NTNG1: variants seen among roughly 807,000 people sequenced by gnomAD.
NTNG1 encodes the protein netrin-G1.
A neutral mutation model predicts 54.0 loss-of-function variants in NTNG1; 16 were observed. The ratio of observed to expected loss-of-function variants is 0.30; its 90% CI spans 0.20 to 0.45. NTNG1 has a LOEUF of 0.45. Ranked by LOEUF, NTNG1 falls within the 20% of genes least tolerant of loss-of-function variation. The pLI, the probability that NTNG1 is intolerant of heterozygous loss-of-function variation, is 1.00. For synonymous variants in NTNG1, 255 were observed against 263.1 expected, an observed-to-expected ratio of 0.97 and a Z score of 0.30; for missense variants, 530 against 678.7, an observed-to-expected ratio of 0.78 and a Z score of 2.43.
At chr1:107,302,739 CA>C (rs1039132702) in intron 2 of NTNG1, among the ~76,000 whole-genome samples, 1 of 151,986 alleles carries the variant, frequency 6.6e-6, no homozygotes, top group Non-Finnish European at 1.5e-5. Context: ...ATCAACATAC[CA>C]GAATGAACAG....
chr1:107,294,407 G>A (rs1665813603), intron 2 of NTNG1, among the ~76,000 whole-genome samples: 1 of 152,154 alleles, frequency 6.6e-6, no homozygotes. Context: ...CCTGCAGGCT[G>A]CATGCCTGTT....
chr1:107,187,170 AT>A (rs1427341605), intron 2 of NTNG1, among the ~76,000 whole-genome samples: 4 of 151,924 alleles, frequency 2.6e-5, no homozygotes, highest in Non-Finnish European at 5.9e-5. Context: ...TACTCTCTGT[AT>A]TTTTTTAAAA....
At chr1:107,318,555 T>C (rs1433596158) in intron 2 of NTNG1, among the ~76,000 whole-genome samples, 1 of 151,854 alleles carries the variant, frequency 6.6e-6, no homozygotes, top group Non-Finnish European at 1.5e-5. Context: ...ACAAAGAAAT[T>C]TGTGCCGGTT....
In NTNG1 at chr1:107,394,096, G is replaced by A. The variant is rs150812992; in HGVS notation, c.888-1058G>A. Among the ~76,000 whole-genome samples the A allele has an allele frequency of 6.5e-3, 980 of 151,694 alleles. 9 individuals carry two copies. Among genetic ancestry groups the A allele is most frequent in the African/African-American group, 0.023 (937 of 41,390 alleles). ...TCTGGTTCTGATTCAGACCTATCTTGGTTCTCTACCCCTGCCCAGGCTGGA... is the reference window on the plus strand; with the variant it reads ...TCTGGTTCTGATTCAGACCTATCTTAGTTCTCTACCCCTGCCCAGGCTGGA... On this transcript the variant is annotated intron_variant, in intron 3 of 7. Transcript: ENST00000370068.
chr1:107,244,524 A>T (rs1159309355), intron 2 of NTNG1, among the ~76,000 whole-genome samples: 2 of 152,186 alleles, frequency 1.3e-5, no homozygotes, highest in African/African-American at 4.8e-5. Flanking sequence ...ATTATGTGAG[A>T]TCATGTTCAA....
intron 2 of NTNG1, among the ~76,000 whole-genome samples, chr1:107,250,068 T>A (rs1310760954): frequency 1.3e-5 from 2 of 152,186 alleles, no homozygotes; most frequent in Admixed American, 1.3e-4. Flanking sequence ...TTTACCTACA[T>A]TTACCTACAG....
At chr1:107,462,427 C>T (rs1012651589) in intron 7 of NTNG1, among the ~76,000 whole-genome samples, 1 of 152,178 alleles carries the variant, frequency 6.6e-6, no homozygotes, top group African/African-American at 2.4e-5. Context: ...CTTAAAAGGT[C>T]TTTCCTTGTA....
intron 2 of NTNG1, among the ~76,000 whole-genome samples, chr1:107,183,339 G>C (rs1391497452): frequency 1.3e-5 from 2 of 152,124 alleles, no homozygotes; most frequent in African/African-American, 4.8e-5. Flanking sequence ...TTTGCATTTA[G>C]ACTAAAACTA....
intron 1 of NTNG1, among the ~76,000 whole-genome samples, chr1:107,142,726 A>G (rs1360848749): frequency 6.7e-6 from 1 of 149,790 alleles, no homozygotes; most frequent in African/African-American, 2.4e-5. Flanking sequence ...TTATTCAGAT[A>G]TGCTTAGTAG....
chr1:107,224,556 T>A (rs1204894145), intron 2 of NTNG1, among the ~76,000 whole-genome samples: 2 of 152,114 alleles, frequency 1.3e-5, no homozygotes, highest in African/African-American at 4.8e-5. Context: ...GGATCATGGA[T>A]CACAGTCATC....
chr1:107,329,951 A>G lies in NTNG1; in HGVS notation c.887+5029A>G, dbSNP rs560046585. ...GTGGGTTAAGTGATTTTACTGTGTGAATATTCAAAGTGCTGTGGTAGCAGA... is the reference window on the plus strand; with the variant it reads ...GTGGGTTAAGTGATTTTACTGTGTGGATATTCAAAGTGCTGTGGTAGCAGA... On this transcript the variant is annotated intron_variant, in intron 3 of 7. Coordinates refer to ENST00000370068, the MANE Select transcript of NTNG1 (RefSeq NM_001113226.3). 3.3e-5 allele frequency among the ~76,000 whole-genome samples: 5 copies of G among 152,262 alleles called. No homozygotes were observed. The East Asian group carries it at 5.8e-4, about 18-fold the overall frequency.
intron 2 of NTNG1, among the ~76,000 whole-genome samples, chr1:107,266,404 T>C (rs573636965): frequency 6.6e-6 from 1 of 152,240 alleles, no homozygotes; most frequent in South Asian, 2.1e-4. Context: ...GATTCAGGCA[T>C]GTCTTACATG....
chr1:107,213,707 G>T lies in NTNG1; in HGVS notation c.246+64868G>T, dbSNP rs75811696. Reference sequence around the variant, plus strand: ...TGTATCAGTATGGCTATATGTCTTTGTTCTTTCCTAATCATTATTCTTTGA... The same window carrying T: ...TGTATCAGTATGGCTATATGTCTTTTTTCTTTCCTAATCATTATTCTTTGA... On this transcript the variant is annotated intron_variant, in intron 2 of 7. Transcript: ENST00000370068. 1.9e-3 allele frequency among the ~76,000 whole-genome samples: 296 copies of T among 152,152 alleles called. 1 individual carries two copies. Among genetic ancestry groups the T allele is most frequent in the Non-Finnish European group, 2.2e-4 (15 of 68,000 alleles).
intron 7 of NTNG1, among the ~76,000 whole-genome samples, chr1:107,474,321 C>T (rs1678175529): frequency 6.6e-6 from 1 of 152,160 alleles, no homozygotes; most frequent in South Asian, 2.1e-4. Context: ...CAGAGCAGGG[C>T]ACCAAGTAAA....
intron 3 of NTNG1, among the ~76,000 whole-genome samples, chr1:107,363,479 A>G (rs1309761076): frequency 6.6e-6 from 1 of 152,214 alleles, no homozygotes; most frequent in Non-Finnish European, 1.5e-5. Flanking sequence ...GCCTAATTTC[A>G]TCTCCTTATC....
At chr1:107,448,714 C>A (rs986753706) in intron 7 of NTNG1, among the ~76,000 whole-genome samples, 3 of 151,944 alleles carry the variant, frequency 2.0e-5, no homozygotes, top group Non-Finnish European at 4.4e-5. Flanking sequence ...CATACATACA[C>A]CTTGGAACAT....
intron 3 of NTNG1, among the ~76,000 whole-genome samples, chr1:107,387,254 A>G (rs1186234929): frequency 6.6e-6 from 1 of 152,228 alleles, no homozygotes; most frequent in Non-Finnish European, 1.5e-5. Flanking sequence ...AAACAAAATA[A>G]TCAGTCCAGT....
chr1:107,374,905 G>A (rs369461193), intron 3 of NTNG1, among the ~76,000 whole-genome samples: 6 of 151,734 alleles, frequency 4.0e-5, no homozygotes, highest in East Asian at 3.9e-4. Flanking sequence ...TTTCTGACTC[G>A]TTCACAGTAG....
intron 7 of NTNG1, among the ~76,000 whole-genome samples, chr1:107,466,913 AT>A (rs1320201026): frequency 6.6e-6 from 1 of 152,142 alleles, no homozygotes; most frequent in Non-Finnish European, 1.5e-5. Context: ...TAATGACTTA[AT>A]TTCCCCCCTT....
Sources: allele counts gnomAD v4.1 joint callset (sites outside exome capture counted in the v4.1 genomes callset), GRCh38; gene constraint gnomAD v4.1.1; transcripts MANE v1.5; gene names NCBI Gene and HGNC (gene_info 2026-07-23, HGNC 2026-07-21).